ACER3: variants seen among roughly 807,000 people sequenced by gnomAD.
ACER3 encodes alkaline ceramidase 3, also known as alkCDase 3.
ACER3 carries 16 observed loss-of-function variants against 48.9 expected under a neutral mutation model. That is an observed-to-expected ratio of 0.33 (90% CI 0.22 to 0.50). ACER3 has a LOEUF of 0.50. Ranked by LOEUF, ACER3 falls within the 20% of genes least tolerant of loss-of-function variation. The pLI, the probability that ACER3 is intolerant of heterozygous loss-of-function variation, is 0.98. For missense variants in ACER3, 227 were observed against 326.0 expected (o/e 0.70, Z 2.34); for synonymous variants, 109 against 107.8 (o/e 1.01, Z -0.07).
At chr11:76,893,454 G>A (rs1468716004) in intron 1 of ACER3, among the ~76,000 whole-genome samples, 1 of 152,286 alleles carries the variant, frequency 6.6e-6, no homozygotes, top group East Asian at 1.9e-4. Context: ...TACAGGCTGT[G>A]TGATCTTATA....
At chr11:76,972,349 C>T (rs775293235) in intron 3 of ACER3, among the ~76,000 whole-genome samples, 123 of 152,136 alleles carry the variant, frequency 8.1e-4, no homozygotes, top group Non-Finnish European at 1.4e-3. Context: ...TAATGTTGAA[C>T]ATCTTTTCAT....
intron 1 of ACER3, among the ~76,000 whole-genome samples, chr11:76,904,837 A>ATG (rs890573235): frequency 3.7e-5 from 5 of 135,530 alleles, no homozygotes; most frequent in South Asian, 2.2e-4. Context: ...TCTTTTCTCT[A>ATG]TGTATGTGTG....
intron 2 of ACER3, among the ~76,000 whole-genome samples, chr11:76,929,631 G>A (rs12303403): frequency 6.6e-6 from 1 of 152,074 alleles, no homozygotes; most frequent in Non-Finnish European, 1.5e-5. Flanking sequence ...TTTGAGATAT[G>A]TCCCATCAGT....
intron 4 of ACER3, 29 bp downstream of exon 4, chr11:76,976,370 AT>A: frequency 7.0e-7 from 1 of 1,421,100 alleles, no homozygotes. Context: ...TCATTGTTTG[AT>A]TTATTTTTAA....
At chr11:76,905,137 C>A (rs527264055) in intron 1 of ACER3, among the ~76,000 whole-genome samples, 1 of 152,208 alleles carries the variant, frequency 6.6e-6, no homozygotes, top group Admixed American at 6.5e-5. Context: ...CAAGCATGAG[C>A]CACCACACCT....
At chr11:76,963,214 AG>A (rs1948046071) in intron 3 of ACER3, among the ~76,000 whole-genome samples, 1 of 151,380 alleles carries the variant, frequency 6.6e-6, no homozygotes, top group Non-Finnish European at 1.5e-5. Context: ...CAGAGGGAGG[AG>A]GGGGGCTTAC....
chr11:76,933,989 G>A (rs1426966767), intron 2 of ACER3, among the ~76,000 whole-genome samples: 5 of 151,418 alleles, frequency 3.3e-5, no homozygotes, highest in African/African-American at 7.3e-5. Context: ...CTGTGCAGAC[G>A]TGCTCCTCAC....
chr11:76,878,783 CTCA>C (rs924879784), intron 1 of ACER3, among the ~76,000 whole-genome samples: 10 of 152,140 alleles, frequency 6.6e-5, no homozygotes, highest in African/African-American at 2.4e-4. Flanking sequence ...ATTTTTCATT[CTCA>C]TCATGGAAGT....
chr11:77,018,693 T>C (rs554082889), intron 9 of ACER3, among the ~76,000 whole-genome samples: 3 of 152,348 alleles, frequency 2.0e-5, no homozygotes, highest in African/African-American at 7.2e-5. Flanking sequence ...TGTAGAAATT[T>C]CTAGTAGTCT....
intron 2 of ACER3, among the ~76,000 whole-genome samples, chr11:76,942,376 A>G (rs1394724494): frequency 6.6e-6 from 1 of 151,896 alleles, no homozygotes; most frequent in East Asian, 1.9e-4. Flanking sequence ...TTATGAAAGG[A>G]TGTTGAGTTT....
At chr11:76,921,608 A>G (rs1946687379) in intron 1 of ACER3, among the ~76,000 whole-genome samples, 1 of 151,794 alleles carries the variant, frequency 6.6e-6, no homozygotes, top group Non-Finnish European at 1.5e-5. Context: ...TAGTGTAAAT[A>G]CTCCAGGTTT....
At chr11:76,863,678 A>G (rs577771840) in intron 1 of ACER3, among the ~76,000 whole-genome samples, 11 of 152,222 alleles carry the variant, frequency 7.2e-5, no homozygotes, top group Non-Finnish European at 1.5e-4. Flanking sequence ...TATTAAGGAT[A>G]ATGTAATAAT....
intron 4 of ACER3, among the ~76,000 whole-genome samples, chr11:76,983,655 T>C (rs1013618048): frequency 6.6e-6 from 1 of 152,180 alleles, no homozygotes; most frequent in African/African-American, 2.4e-5. Context: ...CAATTGTTCA[T>C]AGCCAGCATT....
intron 1 of ACER3, among the ~76,000 whole-genome samples, chr11:76,906,464 A>G (rs1056562586): frequency 6.6e-6 from 1 of 152,160 alleles, no homozygotes; most frequent in African/African-American, 2.4e-5. Flanking sequence ...CCACACCCCT[A>G]TGATTGTATC....
chr11:76,969,556 C>A (rs1318014127), intron 3 of ACER3, among the ~76,000 whole-genome samples: 1 of 151,662 alleles, frequency 6.6e-6, no homozygotes, highest in Non-Finnish European at 1.5e-5. Context: ...AAATGTCCAA[C>A]AGTGATAGAC....
At chr11:76,938,057 C>T (rs977456640) in intron 2 of ACER3, among the ~76,000 whole-genome samples, 2 of 152,158 alleles carry the variant, frequency 1.3e-5, no homozygotes, top group Non-Finnish European at 2.9e-5. Flanking sequence ...CTCTCCTGCT[C>T]AGGCTGGAAT....
intron 2 of ACER3, among the ~76,000 whole-genome samples, chr11:76,931,564 T>G (rs1946999333): frequency 6.6e-6 from 1 of 152,246 alleles, no homozygotes; most frequent in Non-Finnish European, 1.5e-5. Context: ...CTAGCATTGA[T>G]GGTCTTTACA....
intron 2 of ACER3, among the ~76,000 whole-genome samples, chr11:76,941,768 T>G (rs958464229): frequency 2.0e-5 from 3 of 152,172 alleles, no homozygotes; most frequent in Admixed American, 6.5e-5. Context: ...ATGATATTAA[T>G]TCTTCCAATC....
At chr11:76,973,666 C>T (rs1372615401) in intron 3 of ACER3, among the ~76,000 whole-genome samples, 1 of 152,144 alleles carries the variant, frequency 6.6e-6, no homozygotes, top group Non-Finnish European at 1.5e-5. Flanking sequence ...GCTTAGAGCA[C>T]GGATGGCCTG....
Sources: gnomAD v4.1 joint callset for allele counts (sites outside exome capture counted in the v4.1 genomes callset) on GRCh38, gnomAD v4.1.1 for gene constraint, MANE v1.5 for transcripts, NCBI Gene and HGNC (gene_info 2026-07-23, HGNC 2026-07-21) for gene names.